Variants in CDS2 observed in about 807,000 individuals in gnomAD.
CDS2 encodes the protein CDP-diacylglycerol synthase 2, also known as phosphatidate cytidylyltransferase 2.
In CDS2, 47 loss-of-function variants were observed where a neutral mutation model predicts 59.0. That is an observed-to-expected ratio of 0.80 (90% CI 0.63 to 1.02). The LOEUF (loss-of-function observed/expected upper bound fraction) is 1.02, where lower values mean the gene tolerates loss of function less well. Among genes scored for constraint, CDS2 ranks in the 50% least tolerant of loss-of-function variants. CDS2 has a pLI of 0.00. For missense variants in CDS2, 356 were observed against 558.9 expected, an observed-to-expected ratio of 0.64 and a Z score of 3.66; for synonymous variants, 207 against 206.4, an observed-to-expected ratio of 1.00 and a Z score of -0.02.
chr20:5,163,776 A>C (rs2090892835), intron 1 of CDS2, among the ~76,000 whole-genome samples: 1 of 148,082 alleles, frequency 6.8e-6, no homozygotes, highest in East Asian at 2.0e-4. Context: ...TGTGGCTTTC[A>C]TAATTTCTTT....
intron 9 of CDS2, among the ~76,000 whole-genome samples, chr20:5,186,040 G>A (rs999619944): frequency 3.9e-5 from 6 of 152,216 alleles, no homozygotes; most frequent in African/African-American, 1.2e-4. Flanking sequence ...ATGCCCTCTC[G>A]CGCCCAGGCA....
At chr20:5,186,982 G>A (rs1176922237) in intron 10 of CDS2, 143 bp downstream of exon 10, 6 of 865,828 alleles carry the variant, frequency 6.9e-6, no homozygotes, top group Admixed American at 6.6e-5. Flanking sequence ...AATTGCTCAC[G>A]CCAGGTCAGG....
chr20:5,155,660 A>G (rs953125582), intron 1 of CDS2, among the ~76,000 whole-genome samples: 2 of 152,048 alleles, frequency 1.3e-5, no homozygotes, highest in African/African-American at 4.8e-5. Flanking sequence ...CCACATGGAT[A>G]CTCCAGGATA....
chr20:5,147,485 T>C (rs1277164925), intron 1 of CDS2, among the ~76,000 whole-genome samples: 1 of 152,184 alleles, frequency 6.6e-6, no homozygotes, highest in Non-Finnish European at 1.5e-5. Flanking sequence ...TCCTTTGGTG[T>C]GTGGTACATA....
At chr20:5,168,750 A>G in intron 1 of CDS2, 2 of 454,744 alleles carry the variant, frequency 4.4e-6, no homozygotes, top group South Asian at 3.2e-5. Context: ...AGTTCCACAA[A>G]TGCTGTTCTG....
Position 5,176,745 on chromosome 20 carries a change from G to A in CDS2, c.389G>A (p.Trp130Ter). 2.5e-6 allele frequency: 4 copies of A among 1,610,034 alleles called. No individual in the cohort carries two copies. Among genetic ancestry groups the A allele is most frequent in the Non-Finnish European group, 1.7e-6 (2 of 1,176,264 alleles). Residue 130 changes from tryptophan to a stop codon, truncating the protein, a stop_gained and splice_region_variant, in exon 4 of 13, where the codon TGG (tryptophan) becomes TAG (stop). Coordinates refer to ENST00000460006, the MANE Select transcript of CDS2 (RefSeq NM_003818.4). LOFTEE classifies it high-confidence loss of function. ...YDLPWFRTLS[W>*]YFLLCVNYFF... is the part of the protein sequence containing the mutation. ...CTGCCCTGGTTCAGGACGCTCAGCT[G>A]GTAAGCTCTCCGGCCCCACAGAGGC...
intron 1 of CDS2, among the ~76,000 whole-genome samples, chr20:5,155,783 TG>T (rs1488171753): frequency 6.6e-6 from 1 of 152,128 alleles, no homozygotes; most frequent in Non-Finnish European, 1.5e-5. Flanking sequence ...TTAATTTTGT[TG>T]GGGGGAGTTT....
At chr20:5,148,907 C>G (rs570595054) in intron 1 of CDS2, among the ~76,000 whole-genome samples, 109 of 152,316 alleles carry the variant, frequency 7.2e-4, no homozygotes, top group African/African-American at 2.5e-3. Flanking sequence ...GCAGTGGTCT[C>G]TCTGTTGAAA....
At chr20:5,151,750 CTTTTTTTTTTTTTTTTT>C (rs57378947) in intron 1 of CDS2, among the ~76,000 whole-genome samples, 4 of 53,196 alleles carry the variant, frequency 7.5e-5, no homozygotes, top group East Asian at 6.3e-4. Flanking sequence ...GACTCCATGT[CTTTTTTTTTTTTTTTTT>C]TTTTTTTTTT....
At chr20:5,139,352 G>A (rs2090674553) in intron 1 of CDS2, among the ~76,000 whole-genome samples, 1 of 152,178 alleles carries the variant, frequency 6.6e-6, no homozygotes, top group South Asian at 2.1e-4. Flanking sequence ...ACAGAGCCAA[G>A]ACTCTGTATC....
Position 5,192,884 on chromosome 20 carries a change from A to G in CDS2, c.*2650A>G, listed in dbSNP as rs1322409330. On this transcript the variant is annotated 3_prime_UTR_variant, in exon 13 of 13. Transcript: ENST00000460006. Reference sequence around the variant, plus strand: ...GAGCTTCCCCAGGATAGTGTGGTGGAGTCAGGACTCACTCCATCCTGCACT... The same window carrying G: ...GAGCTTCCCCAGGATAGTGTGGTGGGGTCAGGACTCACTCCATCCTGCACT... 6.6e-6 allele frequency: 1 copy of G among 152,222 alleles called. No individual in the cohort carries two copies. The highest frequency in any genetic ancestry group is 1.5e-5 in the Non-Finnish European group (1 of 68,050). 9.4% of individuals were successfully genotyped at this position (152,222 alleles called of 1,614,324 possible). A position where few individuals can be genotyped will look rare whatever the true frequency, so the allele number is the denominator to read the frequency against.
At chr20:5,133,726 T>C (rs2090626344) in intron 1 of CDS2, among the ~76,000 whole-genome samples, 3 of 152,198 alleles carry the variant, frequency 2.0e-5, no homozygotes, top group South Asian at 2.1e-4. Context: ...GGTTTCTCCA[T>C]GTTGGTCAGG....
At position 5,178,726 on chromosome 20, in the gene CDS2, G is replaced by A. The variant is rs1301849362; in HGVS notation, c.390-91G>A. 7 of 1,367,706 alleles carry A rather than the reference G, an allele frequency of 5.1e-6. No individual in the cohort carries two copies. The South Asian group carries it at 7.4e-5, about 14-fold the overall frequency. 84.7% of individuals were successfully genotyped at this position (1,367,706 alleles called of 1,614,324 possible). A position where few individuals can be genotyped will look rare whatever the true frequency, so the allele number is the denominator to read the frequency against. ...GGGACTCAAGGGTGGGGGGTATTCT[G>A]CTGCCCTCTGTCCCTTCCTCTGGGA... On this transcript the variant is annotated intron_variant, in intron 4 of 12. Coordinates refer to ENST00000460006, the MANE Select transcript of CDS2 (RefSeq NM_003818.4).
intron 5 of CDS2, among the ~76,000 whole-genome samples, chr20:5,181,619 C>T (rs1422875836): frequency 6.6e-6 from 1 of 152,124 alleles, no homozygotes; most frequent in East Asian, 1.9e-4. Context: ...AGTCATGCAT[C>T]GTTTAACCAT....
At chr20:5,186,210 C>A (rs2091066588) in intron 9 of CDS2, among the ~76,000 whole-genome samples, 1 of 152,256 alleles carries the variant, frequency 6.6e-6, no homozygotes, top group Non-Finnish European at 1.5e-5. Flanking sequence ...TTCTCTGCTT[C>A]TGACCCTTGG....
At chr20:5,127,877 G>C (rs552886540) in intron 1 of CDS2, among the ~76,000 whole-genome samples, 1 of 152,228 alleles carries the variant, frequency 6.6e-6, no homozygotes, top group African/African-American at 2.4e-5. Context: ...GGAAGGTAGG[G>C]ATTGGTTTTA....
intron 1 of CDS2, among the ~76,000 whole-genome samples, chr20:5,162,010 T>G (rs1206842890): frequency 6.6e-6 from 1 of 152,182 alleles, no homozygotes; most frequent in South Asian, 2.1e-4. Context: ...GCACATTGCC[T>G]TAGGCTGGGG....
At chr20:5,182,799 T>G (rs1416375665) in intron 6 of CDS2, among the ~76,000 whole-genome samples, 2 of 152,192 alleles carry the variant, frequency 1.3e-5, no homozygotes, top group Non-Finnish European at 2.9e-5. Flanking sequence ...CTCTGAGTGC[T>G]CCAGGTGCTC....
chr20:5,152,581 A>C (rs772451371), intron 1 of CDS2, among the ~76,000 whole-genome samples: 9 of 152,158 alleles, frequency 5.9e-5, no homozygotes, highest in Non-Finnish European at 1.2e-4. Flanking sequence ...GTCTCTACTA[A>C]AAATACAAAA....
Sources: gnomAD v4.1 joint callset for allele counts (sites outside exome capture counted in the v4.1 genomes callset) on GRCh38, gnomAD v4.1.1 for gene constraint, MANE v1.5 for transcripts, NCBI Gene and HGNC (gene_info 2026-07-23, HGNC 2026-07-21) for gene names.